Variants in PCDHGA9 observed in about 807,000 individuals in gnomAD.
The protein encoded by PCDHGA9 is protocadherin gamma-A9.
In PCDHGA9, 37 loss-of-function variants were observed where a neutral mutation model predicts 62.5. The observed-to-expected ratio is 0.59, with a 90% CI of 0.46 to 0.78. The LOEUF (loss-of-function observed/expected upper bound fraction) is 0.78, where lower values mean the gene tolerates loss of function less well. Ranked by LOEUF, PCDHGA9 falls within the 30% of genes least tolerant of loss-of-function variation. The pLI is 0.00. For synonymous variants in PCDHGA9, 459 were observed against 484.6 expected, an observed-to-expected ratio of 0.95 and a Z score of 0.69; for missense variants, 1,138 against 1,166.2, an observed-to-expected ratio of 0.98 and a Z score of 0.35.
chr5:141,451,576 C>G (rs997933491), intron 1 of PCDHGA9, among the ~76,000 whole-genome samples: 10 of 152,164 alleles, frequency 6.6e-5, no homozygotes, highest in Middle Eastern at 3.4e-3. Context: ...TTTTTATAAA[C>G]CTAATTTTGA....
intron 1 of PCDHGA9, chr5:141,416,339 A>T (rs2096016775): frequency 6.6e-6 from 1 of 152,218 alleles, no homozygotes; most frequent in African/African-American, 2.4e-5. Context: ...TCATTGCTCA[A>T]TAGGGATCCT....
intron 1 of PCDHGA9, among the ~76,000 whole-genome samples, chr5:141,459,831 G>T (rs907978430): frequency 1.3e-5 from 2 of 152,150 alleles, no homozygotes; most frequent in Non-Finnish European, 2.9e-5. Context: ...CTTTTCATGT[G>T]TTGTCTATTT....
intron 1 of PCDHGA9, chr5:141,419,682 T>C (rs758536078): frequency 6.2e-7 from 1 of 1,612,950 alleles, no homozygotes; most frequent in Non-Finnish European, 8.5e-7. Flanking sequence ...TCCTACCACG[T>C]GGTGCAGGCC....
chr5:141,477,571 C>T lies in PCDHGA9; in HGVS notation c.2425-17236C>T, dbSNP rs1470454976. The T allele has an allele frequency of 8.1e-6, 13 of 1,614,160 alleles. No individual in the cohort carries two copies. Among genetic ancestry groups the T allele is most frequent in the Middle Eastern group, 1.7e-4 (1 of 6,060 alleles). ...TAAACCTAAGTGTCTGGGACCCCGACGCCCCGCAGAATGCTCGGCTTTCTT... is the reference window on the plus strand; with the variant it reads ...TAAACCTAAGTGTCTGGGACCCCGATGCCCCGCAGAATGCTCGGCTTTCTT... On this transcript the variant is annotated intron_variant, in intron 1 of 3. Transcript: ENST00000573521. This position sits in a 1 kb window ranked among gnomAD's most constrained non-coding sequence, Gnocchi z 4.9.
In PCDHGA9 at chr5:141,476,348, G is replaced by T. The variant is rs764669470; in HGVS notation, c.2425-18459G>T. On this transcript the variant is annotated intron_variant, in intron 1 of 3. Transcript: ENST00000573521. This position sits in a 1 kb window ranked among gnomAD's most constrained non-coding sequence, Gnocchi z 7.6. ...GTCTGGAGCTAGCCGAAGATTCTTTGAGGTGAACCGGGAGACCGGAGAGAT... is the reference window on the plus strand; with the variant it reads ...GTCTGGAGCTAGCCGAAGATTCTTTTAGGTGAACCGGGAGACCGGAGAGAT... 1 of 1,614,190 alleles carries T rather than the reference G, an allele frequency of 6.2e-7. No individual in the cohort carries two copies. The highest frequency in any genetic ancestry group is 8.5e-7 in the Non-Finnish European group (1 of 1,180,032).
At chr5:141,468,668 C>T (rs993230755) in intron 1 of PCDHGA9, 1 of 149,910 alleles carries the variant, frequency 6.7e-6, no homozygotes, top group Admixed American at 6.7e-5. Context: ...AGATCAAGAC[C>T]ATCCTGGCTA....
At chr5:141,507,797 C>T (rs933921827) in intron 3 of PCDHGA9, among the ~76,000 whole-genome samples, 3 of 152,240 alleles carry the variant, frequency 2.0e-5, no homozygotes, top group Non-Finnish European at 2.9e-5. Flanking sequence ...TCTAAGCCTG[C>T]GCCCTGGGGA....
At chr5:141,454,316 A>G (rs887472165) in intron 1 of PCDHGA9, among the ~76,000 whole-genome samples, 4 of 152,188 alleles carry the variant, frequency 2.6e-5, no homozygotes, top group Non-Finnish European at 4.4e-5. Context: ...AAGCATTGAA[A>G]CCTCCAAGAA....
In PCDHGA9 at chr5:141,432,009, G is replaced by A. The variant is rs1227754190; in HGVS notation, c.2424+26633G>A. ...GTCTTGGATAGGGAACAGGTTCCTA[G>A]CTACAACATCACAGTGACCGCCACT... On this transcript the variant is annotated intron_variant, in intron 1 of 3. Coordinates refer to ENST00000573521, the MANE Select transcript of PCDHGA9 (RefSeq NM_018921.3). The surrounding 1 kb of genome is among the most constrained non-coding windows in gnomAD (Gnocchi z 6.0). The A allele has an allele frequency of 1.2e-6, 2 of 1,614,188 alleles. No homozygotes were observed. The highest frequency in any genetic ancestry group is 1.7e-6 in the Non-Finnish European group (2 of 1,180,024).
chr5:141,404,795 G>A lies in PCDHGA9; in HGVS notation c.1843G>A (p.Gly615Arg), dbSNP rs769293241. 8 of 1,613,924 alleles carry A rather than the reference G, an allele frequency of 5.0e-6. No individual in the cohort carries two copies. The highest frequency in any genetic ancestry group is 1.7e-5 in the Admixed American group (1 of 60,006). Residue 615 changes from glycine to arginine, a missense_variant, in exon 1 of 4, where the codon GGG becomes AGG. Physicochemically the swap from Gly to Arg is moderately radical, Grantham distance 125. Transcript: ENST00000573521. ...SYRLFKASEP[G>R]LFSVGLHTGE... ...CCGCCTATTCAAGGCCAGTGAGCCAGGGCTCTTCTCGGTGGGGCTGCACAC... is the reference window on the plus strand; with the variant it reads ...CCGCCTATTCAAGGCCAGTGAGCCAAGGCTCTTCTCGGTGGGGCTGCACAC...
rs149653507 is a variant in PCDHGA9 at position 141,469,869 on chromosome 5, G to A, written c.2425-24938G>A. Among the ~76,000 whole-genome samples, 591 of 152,290 alleles carry A rather than the reference G, an allele frequency of 3.9e-3. 6 individuals are homozygous for A. Among genetic ancestry groups the A allele is most frequent in the Admixed American group, 0.011 (171 of 15,304 alleles). On this transcript the variant is annotated intron_variant, in intron 1 of 3. Transcript: ENST00000573521. ...ATTCAGACCGGGTGCAATGGCTCACGCCTGTAATCTCGGCACTTTGGGAAG... is the reference window on the plus strand; with the variant it reads ...ATTCAGACCGGGTGCAATGGCTCACACCTGTAATCTCGGCACTTTGGGAAG...
At chr5:141,442,848 T>C (rs1210778801) in intron 1 of PCDHGA9, among the ~76,000 whole-genome samples, 2 of 152,236 alleles carry the variant, frequency 1.3e-5, no homozygotes, top group Non-Finnish European at 2.9e-5. Context: ...ATCTTGGCCA[T>C]TGTAGTATGA....
chr5:141,428,106 C>T, intron 1 of PCDHGA9: 1 of 1,608,152 alleles, frequency 6.2e-7, no homozygotes. Context: ...CCACGTGCTG[C>T]AGGCCATCGA....
At chr5:141,439,190 CAA>C (rs200519543) in intron 1 of PCDHGA9, among the ~76,000 whole-genome samples, 3 of 111,702 alleles carry the variant, frequency 2.7e-5, no homozygotes, top group Non-Finnish European at 4.0e-5. Flanking sequence ...GAGACTCTGA[CAA>C]AAAAAAAAAA....
chr5:141,417,905 G>A (rs1462731893), intron 1 of PCDHGA9: 1 of 1,593,646 alleles, frequency 6.3e-7, no homozygotes, highest in Admixed American at 1.8e-5. Flanking sequence ...CCCGCGGCAG[G>A]TACTATTTCC....
Position 141,432,831 on chromosome 5 carries a change from T to C in PCDHGA9, c.2424+27455T>C. 1 of 1,614,206 alleles carries C rather than the reference T, an allele frequency of 6.2e-7. No individual in the cohort carries two copies. Among genetic ancestry groups the C allele is most frequent in the Non-Finnish European group, 8.5e-7 (1 of 1,180,006 alleles). ...AACTCTGAAACCTCAGACCTCACTC[T>C]GTACCTGGTGGTAGCGGTGGCCGCG... On this transcript the variant is annotated intron_variant, in intron 1 of 3. Coordinates refer to ENST00000573521, the MANE Select transcript of PCDHGA9 (RefSeq NM_018921.3). The surrounding 1 kb of genome is among the most constrained non-coding windows in gnomAD (Gnocchi z 6.0).
At chr5:141,460,368 G>A (rs1005554535) in intron 1 of PCDHGA9, among the ~76,000 whole-genome samples, 1 of 152,050 alleles carries the variant, frequency 6.6e-6, no homozygotes. Context: ...AAGTTTTATA[G>A]TTTTACCATT....
chr5:141,410,631 C>CT (rs768462511), intron 1 of PCDHGA9: 26 of 1,600,818 alleles, frequency 1.6e-5, no homozygotes, highest in Non-Finnish European at 2.2e-5. Context: ...GTGAGTTTCT[C>CT]TTTTTTGTGT....
chr5:141,501,125 C>A (rs2099805699), intron 2 of PCDHGA9, among the ~76,000 whole-genome samples: 1 of 152,140 alleles, frequency 6.6e-6, no homozygotes, highest in South Asian at 2.1e-4. Context: ...CCTCAGCCTC[C>A]CTAAGTGCTG....
Sources: gnomAD v4.1 joint callset for allele counts (sites outside exome capture counted in the v4.1 genomes callset) on GRCh38, gnomAD v4.1.1 for gene constraint, Gnocchi (gnomAD v3.1) non-coding constraint, MANE v1.5 for transcripts, NCBI Gene and HGNC (gene_info 2026-07-23, HGNC 2026-07-21) for gene names.